Variants in ZNF704 observed in about 807,000 individuals in gnomAD.
The protein encoded by ZNF704 is glucocorticoid induced gene 1.
A neutral mutation model predicts 44.7 loss-of-function variants in ZNF704; 10 were observed. The observed-to-expected ratio is 0.22, with a 90% confidence interval of 0.14 to 0.38. ZNF704 has a LOEUF of 0.38. Among genes scored for constraint, ZNF704 ranks in the 10% least tolerant of loss-of-function variants. ZNF704 has a pLI of 1.00. For synonymous variants in ZNF704, 211 were observed against 207.6 expected (o/e 1.02, Z -0.14); for missense variants, 390 against 545.5 (o/e 0.71, Z 2.84).
intron 2 of ZNF704, among the ~76,000 whole-genome samples, chr8:80,761,276 T>C (rs1033927732): frequency 1.3e-5 from 2 of 152,210 alleles, no homozygotes; most frequent in Non-Finnish European, 2.9e-5. Flanking sequence ...AGTTTCTGTT[T>C]TTACAACTTA....
chr8:80,687,527 G>C, intron 3 of ZNF704, 69 bp from the exon 4 acceptor site: 1 of 1,250,798 alleles, frequency 8.0e-7, no homozygotes, highest in Non-Finnish European at 1.1e-6. Context: ...TGGGGAAATG[G>C]GAGCCTTGGT....
intron 2 of ZNF704, among the ~76,000 whole-genome samples, chr8:80,782,735 C>T (rs994405752): frequency 2.0e-5 from 3 of 152,126 alleles, no homozygotes; most frequent in Non-Finnish European, 4.4e-5. Context: ...GTCAGCAGTG[C>T]TTTTGAGGAA....
At chr8:80,810,795 C>T (rs191937645) in intron 2 of ZNF704, among the ~76,000 whole-genome samples, 7 of 152,300 alleles carry the variant, frequency 4.6e-5, no homozygotes, top group African/African-American at 1.7e-4. Flanking sequence ...AGGGGACATA[C>T]AGGAATCATG....
At chr8:80,806,938 A>G (rs1011131004) in intron 2 of ZNF704, among the ~76,000 whole-genome samples, 11 of 152,200 alleles carry the variant, frequency 7.2e-5, no homozygotes, top group African/African-American at 1.9e-4. Flanking sequence ...TCATTTTTGC[A>G]TGGTTTTCCC....
chr8:80,760,992 C>T (rs928763376), intron 2 of ZNF704, among the ~76,000 whole-genome samples: 1 of 152,120 alleles, frequency 6.6e-6, no homozygotes, highest in African/African-American at 2.4e-5. Flanking sequence ...AAAAATCCAC[C>T]CCCATGATCC....
At chr8:80,744,908 A>T (rs767132833) in intron 2 of ZNF704, among the ~76,000 whole-genome samples, 4 of 152,222 alleles carry the variant, frequency 2.6e-5, no homozygotes, top group Non-Finnish European at 4.4e-5. Flanking sequence ...ATTCCCTTGT[A>T]GTAGTAAATT....
chr8:80,636,674 G>A lies in ZNF704; in HGVS notation c.*4692C>T, dbSNP rs1817667113. 6.6e-6 allele frequency: 1 copy of A among 152,204 alleles called. No individual in the cohort carries two copies. The highest frequency in any genetic ancestry group is 2.4e-5 in the African/African-American group (1 of 41,438). 9.4% of individuals were successfully genotyped at this position (152,204 alleles called of 1,614,324 possible). ...AATGAAATTTCCAGTTGACCCGTGT[G>A]CCCAGGGCATTCTCCAAAATGATTC... On this transcript the variant is annotated 3_prime_UTR_variant, in exon 9 of 9. Coordinates refer to ENST00000327835, the MANE Select transcript of ZNF704 (RefSeq NM_001033723.3).
At chr8:80,857,152 T>C (rs1808977061) in intron 1 of ZNF704, among the ~76,000 whole-genome samples, 1 of 152,178 alleles carries the variant, frequency 6.6e-6, no homozygotes, top group Non-Finnish European at 1.5e-5. Flanking sequence ...TTCCTTAGGA[T>C]TTCTCTGCAT....
At chr8:80,645,670 A>G (rs1038443775) in intron 7 of ZNF704, among the ~76,000 whole-genome samples, 34 of 152,118 alleles carry the variant, frequency 2.2e-4, no homozygotes, top group South Asian at 2.1e-4. Flanking sequence ...ACCTTCCACC[A>G]TGAGTAAAAG....
chr8:80,668,409 C>A (rs1018772017), intron 5 of ZNF704, among the ~76,000 whole-genome samples: 1 of 152,216 alleles, frequency 6.6e-6, no homozygotes, highest in African/African-American at 2.4e-5. Flanking sequence ...CAGGCTGAGG[C>A]GCCTGGGGAG....
intron 2 of ZNF704, among the ~76,000 whole-genome samples, chr8:80,734,873 GGA>G (rs1263228431): frequency 6.6e-6 from 1 of 152,204 alleles, no homozygotes; most frequent in Non-Finnish European, 1.5e-5. Flanking sequence ...TCCCTTAAAA[GGA>G]GAGTATGCTT....
At chr8:80,707,519 C>A (rs1475395414) in intron 2 of ZNF704, among the ~76,000 whole-genome samples, 2 of 152,074 alleles carry the variant, frequency 1.3e-5, no homozygotes, top group Non-Finnish European at 2.9e-5. Flanking sequence ...AACTCATATA[C>A]TCAAACTCTA....
chr8:80,751,556 T>C (rs1016583357), intron 2 of ZNF704, among the ~76,000 whole-genome samples: 10 of 152,242 alleles, frequency 6.6e-5, no homozygotes, highest in South Asian at 2.1e-4. Flanking sequence ...TAAAAATTCA[T>C]ACACAAGCAT....
chr8:80,652,753 G>A (rs1472039127), intron 7 of ZNF704, among the ~76,000 whole-genome samples: 1 of 152,162 alleles, frequency 6.6e-6, no homozygotes, highest in East Asian at 1.9e-4. Context: ...GGAGGAGCTG[G>A]TACCATTCCT....
chr8:80,670,154 GTA>G (rs1731107452), intron 5 of ZNF704, among the ~76,000 whole-genome samples: 2 of 152,058 alleles, frequency 1.3e-5, no homozygotes, highest in African/African-American at 4.8e-5. Flanking sequence ...CTAGTGTTTT[GTA>G]CTTTAAAGTC....
In ZNF704 at chr8:80,873,096, T is replaced by G. The variant is rs532345116; in HGVS notation, c.-22+1475A>C. The stretch of plus-strand genomic sequence containing the variant: ...GAGAGATTGACAAGAAACACCGCTT[T>G]CTGGTTTCAATAAGCTTGAATAGCC... On this transcript the variant is annotated intron_variant, in intron 1 of 8. Transcript: ENST00000327835. Among the ~76,000 whole-genome samples, 23 of 152,300 alleles carry G rather than the reference T, an allele frequency of 1.5e-4. No individual in the cohort carries two copies. In the East Asian group the frequency reaches 4.4e-3, roughly 29 times the overall value.
At chr8:80,646,684 A>G (rs1338694345) in intron 7 of ZNF704, among the ~76,000 whole-genome samples, 4 of 152,150 alleles carry the variant, frequency 2.6e-5, no homozygotes, top group South Asian at 2.1e-4. Flanking sequence ...GCTTCCTCCA[A>G]GAGCAGAATC....
chr8:80,870,860 C>T (rs976291344), intron 1 of ZNF704, among the ~76,000 whole-genome samples: 1 of 152,132 alleles, frequency 6.6e-6, no homozygotes, highest in African/African-American at 2.4e-5. Context: ...CTAACCACAC[C>T]CTCCACCTGG....
chr8:80,823,142 G>A (rs145095663), intron 1 of ZNF704, among the ~76,000 whole-genome samples: 5,335 of 152,278 alleles, frequency 0.035, 328 homozygotes, highest in African/African-American at 0.12. Context: ...TCCGGGAAGT[G>A]CAAAGGGTCA....
Sources: allele counts gnomAD v4.1 joint callset (sites outside exome capture counted in the v4.1 genomes callset), GRCh38; gene constraint gnomAD v4.1.1; transcripts MANE v1.5; gene names NCBI Gene and HGNC (gene_info 2026-07-23, HGNC 2026-07-21).